Variants in KCNH8 observed in about 807,000 individuals in gnomAD.
The protein encoded by KCNH8 is potassium voltage-gated channel subfamily H member 8, also known as voltage-gated delayed rectifier potassium channel KCNH8.
In KCNH8, 70 loss-of-function variants were observed where a neutral mutation model predicts 103.6. The observed-to-expected ratio is 0.68, with a 90% CI of 0.56 to 0.82. KCNH8 has a LOEUF of 0.82. Among genes scored for constraint, KCNH8 ranks in the 40% least tolerant of loss-of-function variants. KCNH8 has a pLI of 0.00. For synonymous variants in KCNH8, 498 were observed against 489.4 expected, an observed-to-expected ratio of 1.02 and a Z score of -0.23; for missense variants, 1,217 against 1,329.9, an observed-to-expected ratio of 0.92 and a Z score of 1.32.
At chr3:19,346,717 C>T in intron 4 of KCNH8, 1 of 456,106 alleles carries the variant, frequency 2.2e-6, no homozygotes, top group Non-Finnish European at 4.4e-6. Context: ...GACAAGAACA[C>T]AACATTGTGA....
At chr3:19,404,098 T>C (rs1213136284) in intron 7 of KCNH8, among the ~76,000 whole-genome samples, 1 of 151,954 alleles carries the variant, frequency 6.6e-6, no homozygotes, top group East Asian at 1.9e-4. Flanking sequence ...TATAGAACTT[T>C]AATTTCACCA....
At position 19,533,553 on chromosome 3, in the gene KCNH8, G is replaced by A. The variant is rs34006615; in HGVS notation, c.2778G>A (p.Thr926=). 375 of 1,614,140 alleles carry A rather than the reference G, an allele frequency of 2.3e-4. No individual in the cohort carries two copies. In the African/African-American group the frequency reaches 4.2e-3, roughly 18 times the overall value. The change falls in exon 16 of 16, where the codon ACG becomes ACA. Residue 926 remains threonine (T), a synonymous_variant. Transcript: ENST00000328405. ...CCAGGGAGAGCTTACAGACCAGAAC[G>A]AGCTGGAGTGCACACCAGCCTTGCC... ...CPSRESLQTR[T]SWSAHQPCLH...
intron 5 of KCNH8, among the ~76,000 whole-genome samples, chr3:19,382,735 A>G (rs1171678879): frequency 5.3e-5 from 8 of 152,090 alleles, no homozygotes; most frequent in Non-Finnish European, 8.8e-5. Context: ...GTTGGACTCG[A>G]AATTCTACAC....
intron 6 of KCNH8, among the ~76,000 whole-genome samples, chr3:19,393,073 C>T (rs2066463200): frequency 6.6e-6 from 1 of 151,872 alleles, no homozygotes; most frequent in Non-Finnish European, 1.5e-5. Flanking sequence ...ATGACCATGT[C>T]CATTGGTAAA....
intron 1 of KCNH8, among the ~76,000 whole-genome samples, chr3:19,207,298 G>C (rs1413140220): frequency 6.6e-6 from 1 of 151,956 alleles, no homozygotes; most frequent in African/African-American, 2.4e-5. Flanking sequence ...TATATTTTTG[G>C]AGATAGCAGT....
chr3:19,182,284 T>C (rs1338831166), intron 1 of KCNH8, among the ~76,000 whole-genome samples: 1 of 151,828 alleles, frequency 6.6e-6, no homozygotes, highest in Non-Finnish European at 1.5e-5. Flanking sequence ...ATCCCAGCAC[T>C]TTCGGAGGCC....
At chr3:19,273,347 C>A (rs1007251697) in intron 2 of KCNH8, among the ~76,000 whole-genome samples, 3 of 152,116 alleles carry the variant, frequency 2.0e-5, no homozygotes, top group Non-Finnish European at 2.9e-5. Context: ...CTTGTTCTCA[C>A]AAAGAAGTGC....
rs550362622 is a variant in KCNH8, at chr3:19,204,629, G to A, written c.77-49025G>A. On this transcript the variant is annotated intron_variant, in intron 1 of 15. Transcript: ENST00000328405. ...TCAAGGTTGGGGAGGGAAGCATAAT[G>A]TATTGTAAATGTAAAAAAATATAAT... Among the ~76,000 whole-genome samples, 5 of 152,134 alleles carry A rather than the reference G, an allele frequency of 3.3e-5. No individual in the cohort carries two copies. The East Asian group carries it at 9.7e-4, about 29-fold the overall frequency.
intron 3 of KCNH8, among the ~76,000 whole-genome samples, chr3:19,290,954 T>C (rs1261411317): frequency 6.6e-6 from 1 of 152,242 alleles, no homozygotes; most frequent in Non-Finnish European, 1.5e-5. Context: ...ATTCAACTTC[T>C]TCCTGGTTTA....
At position 19,216,700 on chromosome 3, in the gene KCNH8, A is replaced by G. The variant is rs146577949; in HGVS notation, c.77-36954A>G. 8.9e-4 allele frequency among the ~76,000 whole-genome samples: 136 copies of G among 152,304 alleles called. 3 individuals are homozygous for G. In the East Asian group the frequency reaches 0.022, roughly 24 times the overall value. On this transcript the variant is annotated intron_variant, in intron 1 of 15. Coordinates refer to ENST00000328405, the MANE Select transcript of KCNH8 (RefSeq NM_144633.3). ...CCCCAGTGGAAATGTGTGTCCCTCA[A>G]GGAAATACAATGTGCTGCTCACTCA...
At chr3:19,364,690 G>A (rs981307916) in intron 5 of KCNH8, among the ~76,000 whole-genome samples, 2 of 151,906 alleles carry the variant, frequency 1.3e-5, no homozygotes, top group Non-Finnish European at 2.9e-5. Context: ...ATCTTGGTGG[G>A]AAAAGACCGT....
At chr3:19,456,043 T>C (rs2067527144) in intron 10 of KCNH8, among the ~76,000 whole-genome samples, 1 of 152,064 alleles carries the variant, frequency 6.6e-6, no homozygotes, top group African/African-American at 2.4e-5. Context: ...AGAAACAAAA[T>C]TTCCAAGTTT....
chr3:19,232,651 G>A (rs1441585790), intron 1 of KCNH8, among the ~76,000 whole-genome samples: 1 of 152,174 alleles, frequency 6.6e-6, no homozygotes, highest in East Asian at 1.9e-4. Context: ...ACTGTTTCCC[G>A]TTTGGCTTAG....
At chr3:19,288,142 T>A (rs1037275170) in intron 3 of KCNH8, among the ~76,000 whole-genome samples, 1 of 150,232 alleles carries the variant, frequency 6.7e-6, no homozygotes, top group African/African-American at 2.5e-5. Flanking sequence ...GCTGCTGGAG[T>A]CATCTTTCTA....
At chr3:19,390,350 T>A in intron 5 of KCNH8, 131 bp from the exon 6 acceptor site, 1 of 672,216 alleles carries the variant, frequency 1.5e-6, no homozygotes, top group Non-Finnish European at 2.5e-6. Flanking sequence ...TACGATTTTC[T>A]TCCTCCCTTC....
intron 1 of KCNH8, among the ~76,000 whole-genome samples, chr3:19,232,382 G>A (rs547305353): frequency 2.0e-5 from 3 of 152,246 alleles, no homozygotes; most frequent in African/African-American, 7.2e-5. Context: ...GAAAATCTTA[G>A]CTACAAGAAA....
intron 5 of KCNH8, among the ~76,000 whole-genome samples, chr3:19,371,849 C>T (rs1284356730): frequency 6.6e-6 from 1 of 150,956 alleles, no homozygotes; most frequent in Non-Finnish European, 1.5e-5. Flanking sequence ...GTTTTCCCAG[C>T]ACCATTTATT....
At chr3:19,186,767 T>TGGAG (rs1270135474) in intron 1 of KCNH8, among the ~76,000 whole-genome samples, 1 of 152,018 alleles carries the variant, frequency 6.6e-6, no homozygotes, top group Non-Finnish European at 1.5e-5. Context: ...AATGTTGAAA[T>TGGAG]CACTGTACAA....
chr3:19,395,370 G>A, intron 7 of KCNH8, 59 bp downstream of exon 7: 1 of 1,161,370 alleles, frequency 8.6e-7, no homozygotes, highest in Non-Finnish European at 1.3e-6. Flanking sequence ...AGAGTATCAA[G>A]AACTTGGAGG....
Sources: allele counts gnomAD v4.1 joint callset (sites outside exome capture counted in the v4.1 genomes callset), GRCh38; gene constraint gnomAD v4.1.1; transcripts MANE v1.5; gene names NCBI Gene and HGNC (gene_info 2026-07-23, HGNC 2026-07-21).